Variants in SOX5 observed in about 807,000 individuals in gnomAD.
SOX5 encodes the protein SRY-box transcription factor 5, also known as transcription factor SOX-5.
In SOX5, 9 loss-of-function variants were observed where a neutral mutation model predicts 92.0. The ratio of observed to expected loss-of-function variants is 0.10; its 90% confidence interval spans 0.06 to 0.17. SOX5 has a LOEUF of 0.17. SOX5 is among the 10% of genes least tolerant of loss of function. The pLI, the probability that SOX5 is intolerant of heterozygous loss-of-function variation, is 1.00. For missense variants in SOX5, 642 were observed against 944.5 expected, an observed-to-expected ratio of 0.68 and a Z score of 4.20; for synonymous variants, 344 against 336.3, an observed-to-expected ratio of 1.02 and a Z score of -0.25.
At chr12:23,758,008 CAAAAAAAAA>C (rs34841595) in intron 3 of SOX5, among the ~76,000 whole-genome samples, 130 of 68,226 alleles carry the variant, frequency 1.9e-3, no homozygotes, top group Non-Finnish European at 2.5e-3. Flanking sequence ...GCACACACTA[CAAAAAAAAA>C]AAAAAAAAAA....
intron 7 of SOX5, among the ~76,000 whole-genome samples, chr12:23,663,021 G>A (rs541980093): frequency 6.6e-6 from 1 of 152,278 alleles, no homozygotes; most frequent in East Asian, 1.9e-4. Context: ...CCACTGAAGA[G>A]CGGTAATGGC....
intron 4 of SOX5, among the ~76,000 whole-genome samples, chr12:24,116,018 T>C (rs1407321096): frequency 6.6e-6 from 1 of 152,122 alleles, no homozygotes; most frequent in Admixed American, 6.5e-5. Context: ...AATTAAGGTA[T>C]ATACATAGAT....
chr12:24,414,448 T>C (rs1274195799), intron 1 of SOX5, among the ~76,000 whole-genome samples: 1 of 152,216 alleles, frequency 6.6e-6, no homozygotes, highest in Admixed American at 6.5e-5. Flanking sequence ...ACAGGCTAAC[T>C]TGGGGTCCTT....
At chr12:23,899,007 A>G (rs2097205054) in intron 1 of SOX5, among the ~76,000 whole-genome samples, 1 of 152,238 alleles carries the variant, frequency 6.6e-6, no homozygotes, top group South Asian at 2.1e-4. Flanking sequence ...TATGACCCAT[A>G]GTACTTCTCA....
intron 1 of SOX5, among the ~76,000 whole-genome samples, chr12:23,900,108 T>G (rs949360480): frequency 2.0e-5 from 3 of 152,042 alleles, no homozygotes; most frequent in Non-Finnish European, 4.4e-5. Flanking sequence ...TTAGAAAGTA[T>G]TATATAAATT....
intron 1 of SOX5, among the ~76,000 whole-genome samples, chr12:23,901,847 T>G (rs1354941895): frequency 6.6e-6 from 1 of 152,222 alleles, no homozygotes; most frequent in Non-Finnish European, 1.5e-5. Context: ...TACCTAGGTA[T>G]AGCTTTAAGA....
intron 3 of SOX5, among the ~76,000 whole-genome samples, chr12:23,800,004 G>C (rs1410092451): frequency 6.6e-6 from 1 of 151,824 alleles, no homozygotes; most frequent in Non-Finnish European, 1.5e-5. Flanking sequence ...TATGTCATTG[G>C]CTCAAATAAC....
At chr12:24,056,367 CTATT>C (rs746698546) in intron 4 of SOX5, among the ~76,000 whole-genome samples, 1 of 152,182 alleles carries the variant, frequency 6.6e-6, no homozygotes, top group Non-Finnish European at 1.5e-5. Flanking sequence ...AATTTCAACT[CTATT>C]TAATCCTGTA....
chr12:23,625,938 T>C (rs1321523982), intron 8 of SOX5, among the ~76,000 whole-genome samples: 6 of 152,014 alleles, frequency 3.9e-5, no homozygotes, highest in Non-Finnish European at 7.4e-5. Flanking sequence ...AGACAGTCCC[T>C]CCATTGTTTC....
rs1187228542 is a variant in SOX5, at chr12:23,572,385, AAAAGT to A, written c.1342+3271_1342+3275del. Among the ~76,000 whole-genome samples the A allele has an allele frequency of 5.3e-5, 8 of 152,166 alleles. No homozygotes were observed. In the East Asian group the frequency reaches 1.5e-3, roughly 29 times the overall value. ...CAACATCTGCATTTGTTGAAAAGAG[AAAAGT>A]AAATTGTAGTAGACTTAAATCCTTG... On this transcript the variant is annotated intron_variant, in intron 10 of 14. Coordinates refer to ENST00000451604, the MANE Select transcript of SOX5 (RefSeq NM_006940.6).
At chr12:24,437,977 G>A (rs946256747) in intron 1 of SOX5, among the ~76,000 whole-genome samples, 4 of 152,150 alleles carry the variant, frequency 2.6e-5, no homozygotes, top group African/African-American at 9.7e-5. Flanking sequence ...AAAGACACAT[G>A]CACACGTATG....
At chr12:24,431,610 T>C (rs1438012441) in intron 1 of SOX5, among the ~76,000 whole-genome samples, 2 of 152,208 alleles carry the variant, frequency 1.3e-5, no homozygotes, top group Non-Finnish European at 2.9e-5. Flanking sequence ...AAGTGTGCAA[T>C]ACCACATTGT....
intron 2 of SOX5, among the ~76,000 whole-genome samples, chr12:24,289,615 G>A (rs1051844321): frequency 7.0e-6 from 1 of 143,622 alleles, no homozygotes; most frequent in Non-Finnish European, 1.5e-5. Flanking sequence ...CACTACGCCC[G>A]GCTAATTTTT....
intron 3 of SOX5, among the ~76,000 whole-genome samples, chr12:23,813,655 T>C (rs2095922327): frequency 6.6e-6 from 1 of 152,180 alleles, no homozygotes; most frequent in Non-Finnish European, 1.5e-5. Flanking sequence ...AAATGACATA[T>C]TTTAAAACTG....
At chr12:24,004,863 C>A (rs1193903889) in intron 4 of SOX5, among the ~76,000 whole-genome samples, 1 of 151,988 alleles carries the variant, frequency 6.6e-6, no homozygotes, top group East Asian at 1.9e-4. Flanking sequence ...GAAAAATAAT[C>A]CAGATTTTCA....
intron 4 of SOX5, among the ~76,000 whole-genome samples, chr12:24,022,224 G>C (rs1404610861): frequency 6.6e-6 from 1 of 152,126 alleles, no homozygotes; most frequent in African/African-American, 2.4e-5. Flanking sequence ...TTTCCCTGAG[G>C]AAGTGATACT....
intron 8 of SOX5, among the ~76,000 whole-genome samples, chr12:23,617,842 T>C (rs541716610): frequency 1.3e-5 from 2 of 152,304 alleles, no homozygotes; most frequent in Non-Finnish European, 2.9e-5. Context: ...ACCAGATATA[T>C]TTTGCGAGAG....
At chr12:23,772,042 C>G (rs899772479) in intron 3 of SOX5, among the ~76,000 whole-genome samples, 1 of 152,078 alleles carries the variant, frequency 6.6e-6, no homozygotes, top group Non-Finnish European at 1.5e-5. Context: ...TGAAATTTCT[C>G]CCAGCATATT....
chr12:24,083,173 TATACA>T (rs1037864732), intron 4 of SOX5, among the ~76,000 whole-genome samples: 32 of 152,160 alleles, frequency 2.1e-4, no homozygotes, highest in African/African-American at 7.2e-4. Context: ...TTCAATTTGT[TATACA>T]ATACAATTTT....
Sources: allele counts gnomAD v4.1 joint callset (sites outside exome capture counted in the v4.1 genomes callset), GRCh38; gene constraint gnomAD v4.1.1; transcripts MANE v1.5; gene names NCBI Gene and HGNC (gene_info 2026-07-23, HGNC 2026-07-21).